THRB: variants seen among roughly 807,000 people sequenced by gnomAD.
THRB encodes the protein nuclear receptor subfamily 1 group A member 2.
In THRB, 12 loss-of-function variants were observed where a neutral mutation model predicts 47.8. That is an observed-to-expected ratio of 0.25 (90% CI 0.16 to 0.41). The LOEUF (loss-of-function observed/expected upper bound fraction) is 0.41. THRB is among the 10% of genes least tolerant of loss of function. The probability of loss-of-function intolerance (pLI) is 1.00; values close to 1 mark genes in which losing one functional copy is unlikely to be tolerated. For synonymous variants in THRB, 218 were observed against 212.2 expected (o/e 1.03, Z -0.24); for missense variants, 348 against 589.2 (o/e 0.59, Z 4.24).
chr3:24,450,203 T>G (rs2072511996), intron 1 of THRB, among the ~76,000 whole-genome samples: 1 of 152,224 alleles, frequency 6.6e-6, no homozygotes, highest in African/African-American at 2.4e-5. Flanking sequence ...AACTGTACCT[T>G]AGAGACCATG....
chr3:24,445,327 C>G (rs1382644060), intron 1 of THRB, among the ~76,000 whole-genome samples: 1 of 151,776 alleles, frequency 6.6e-6, no homozygotes, highest in Non-Finnish European at 1.5e-5. Context: ...AGCTATTGAG[C>G]CTAGCAAAAT....
chr3:24,430,773 A>G (rs1003256540), intron 1 of THRB: 1 of 152,132 alleles, frequency 6.6e-6, no homozygotes, highest in Non-Finnish European at 1.5e-5. Flanking sequence ...AATAATGGTG[A>G]GAAGAAGAGC....
chr3:24,160,312 T>C (rs1372843926), intron 5 of THRB, among the ~76,000 whole-genome samples: 2 of 152,026 alleles, frequency 1.3e-5, no homozygotes. Context: ...GAATTTGTGG[T>C]AATGGAAAAG....
chr3:24,215,359 T>A (rs2046447893), intron 4 of THRB, among the ~76,000 whole-genome samples: 1 of 152,124 alleles, frequency 6.6e-6, no homozygotes, highest in African/African-American at 2.4e-5. Flanking sequence ...TTGCTCCAAG[T>A]CACAAGGTTA....
At chr3:24,136,485 C>T (rs1172662569) in intron 8 of THRB, among the ~76,000 whole-genome samples, 1 of 152,030 alleles carries the variant, frequency 6.6e-6, no homozygotes, top group Non-Finnish European at 1.5e-5. Flanking sequence ...GATTTTTCAC[C>T]TATAACAAAA....
chr3:24,373,932 A>G (rs1320304628), intron 1 of THRB, among the ~76,000 whole-genome samples: 1 of 152,004 alleles, frequency 6.6e-6, no homozygotes, highest in Non-Finnish European at 1.5e-5. Flanking sequence ...CCTCGCTTCC[A>G]ATTTCTGTAC....
intron 1 of THRB, among the ~76,000 whole-genome samples, chr3:24,430,333 G>T (rs1185517491): frequency 6.6e-6 from 1 of 152,106 alleles, no homozygotes; most frequent in East Asian, 1.9e-4. Context: ...ATATGTGAAA[G>T]CTTCATTTAT....
intron 4 of THRB, among the ~76,000 whole-genome samples, chr3:24,201,185 A>G (rs1412356362): frequency 6.6e-6 from 1 of 151,748 alleles, no homozygotes; most frequent in Non-Finnish European, 1.5e-5. Flanking sequence ...TGTCTTTTCC[A>G]TATCTTCCTG....
chr3:24,273,909 C>T (rs1356280197), intron 3 of THRB, among the ~76,000 whole-genome samples: 1 of 151,358 alleles, frequency 6.6e-6, no homozygotes, highest in Non-Finnish European at 1.5e-5. Flanking sequence ...ACCATATTTT[C>T]TCAGAAAGGC....
intron 6 of THRB, among the ~76,000 whole-genome samples, chr3:24,147,651 T>C (rs934640003): frequency 4.6e-5 from 7 of 152,230 alleles, no homozygotes; most frequent in South Asian, 2.1e-4. Flanking sequence ...AGAATTTTTC[T>C]GGACGTGATC....
At chr3:24,193,178 A>G (rs2043554476) in intron 4 of THRB, among the ~76,000 whole-genome samples, 1 of 152,170 alleles carries the variant, frequency 6.6e-6, no homozygotes, top group South Asian at 2.1e-4. Flanking sequence ...CCTATGTCTA[A>G]TGCCCATATC....
chr3:24,370,195 T>C (rs1409838699), intron 1 of THRB, among the ~76,000 whole-genome samples: 1 of 152,104 alleles, frequency 6.6e-6, no homozygotes, highest in Non-Finnish European at 1.5e-5. Context: ...TTTTTGTCCA[T>C]TTTATCATTG....
rs543231982 is a variant in THRB, at chr3:24,125,634, G to C, written c.1144+1865C>G. On this transcript the variant is annotated intron_variant, in intron 10 of 10. Transcript: ENST00000646209. Reference sequence around the variant, plus strand: ...TTGAGACTAATTCTCCTGAACGACTGTGGGCCCCATTTCTTGCTGGCTGTC... The same window carrying C: ...TTGAGACTAATTCTCCTGAACGACTCTGGGCCCCATTTCTTGCTGGCTGTC... Among the ~76,000 whole-genome samples, 25 of 152,266 alleles carry C rather than the reference G, an allele frequency of 1.6e-4. 1 individual carries two copies. The South Asian group carries it at 5.2e-3, about 32-fold the overall frequency.
chr3:24,142,075 G>C (rs1176010999), intron 8 of THRB, among the ~76,000 whole-genome samples: 2 of 152,228 alleles, frequency 1.3e-5, no homozygotes, highest in African/African-American at 2.4e-5. Flanking sequence ...TTTTGGGTTT[G>C]TGCAGGTGCC....
intron 1 of THRB, among the ~76,000 whole-genome samples, chr3:24,405,823 G>C (rs2067780782): frequency 6.6e-6 from 1 of 151,206 alleles, no homozygotes; most frequent in South Asian, 2.1e-4. Flanking sequence ...ATTACTTTGG[G>C]GAGATTTATA....
At chr3:24,187,256 A>C (rs1003383733) in intron 5 of THRB, among the ~76,000 whole-genome samples, 3 of 152,172 alleles carry the variant, frequency 2.0e-5, no homozygotes. Context: ...AACTGCTATA[A>C]AAGTTCCTAA....
At chr3:24,151,621 C>G (rs893192954) in intron 6 of THRB, among the ~76,000 whole-genome samples, 1 of 152,122 alleles carries the variant, frequency 6.6e-6, no homozygotes, top group African/African-American at 2.4e-5. Context: ...CTGGGTCAAG[C>G]TTTTTCCTTT....
intron 3 of THRB, among the ~76,000 whole-genome samples, chr3:24,280,473 C>T: frequency 6.6e-6 from 1 of 152,060 alleles, no homozygotes. Context: ...TAGGTAAAAC[C>T]ACAAAGATGG....
At chr3:24,482,442 G>A (rs971844542) in intron 1 of THRB, among the ~76,000 whole-genome samples, 3 of 152,196 alleles carry the variant, frequency 2.0e-5, no homozygotes, top group East Asian at 1.9e-4. Flanking sequence ...GCCTTTCAAT[G>A]CAAGCATAGA....
Sources: gnomAD v4.1 joint callset for allele counts (sites outside exome capture counted in the v4.1 genomes callset) on GRCh38, gnomAD v4.1.1 for gene constraint, MANE v1.5 for transcripts, NCBI Gene and HGNC (gene_info 2026-07-23, HGNC 2026-07-21) for gene names.